The following COL7A1 variants were observed in gnomAD, a reference collection of about 807,000 sequenced individuals.
The protein encoded by COL7A1 is collagen type VII alpha 1 chain.
Under a neutral mutation model 456.2 loss-of-function variants are expected in COL7A1, and 296 were observed. The observed-to-expected ratio is 0.65, with a 90% CI of 0.59 to 0.71. COL7A1 has a LOEUF of 0.71. COL7A1 is among the 30% of genes least tolerant of loss of function. COL7A1 has a pLI of 0.00. For missense variants in COL7A1, 3,441 were observed against 4,017.2 expected (o/e 0.86, Z 3.88); for synonymous variants, 1,464 against 1,525.9 (o/e 0.96, Z 0.95).
rs1219937562 is a variant in COL7A1, at chr3:48,570,845, G to A, written c.7272+16C>T. 1 of 1,600,766 alleles carries A rather than the reference G, an allele frequency of 6.2e-7. No homozygotes were observed. On this transcript the variant is annotated intron_variant, in intron 95 of 118. Coordinates refer to ENST00000681320, the MANE Select transcript of COL7A1 (RefSeq NM_000094.4). The surrounding 1 kb of genome is among the most constrained non-coding windows in gnomAD (Gnocchi z 5.5). Reference sequence around the variant, plus strand: ...TGGATTCACCATGCCCCTACATGCTGTTCCCAGCCCCTCACCCGCTCTCCA... The same window carrying A: ...TGGATTCACCATGCCCCTACATGCTATTCCCAGCCCCTCACCCGCTCTCCA...
Position 48,567,668 on chromosome 3 carries a change from G to A in COL7A1, c.7984-32C>T, listed in dbSNP as rs781598212. The A allele has an allele frequency of 3.5e-5, 57 of 1,612,990 alleles. No homozygotes were observed. The highest frequency in any genetic ancestry group is 4.5e-5 in the East Asian group (2 of 44,828). On this transcript the variant is annotated intron_variant, in intron 108 of 118. Transcript: ENST00000681320. This position sits in a 1 kb window ranked among gnomAD's most constrained non-coding sequence, Gnocchi z 4.3. ...AAAAAAAGACATGAACTTGGCCCCC[G>A]TCCACCCGTGGCCCCCTCATTCTGA...
Position 48,576,263 on chromosome 3 carries a change from G to C in COL7A1, c.5806C>G (p.Pro1936Ala), listed in dbSNP as rs756151866. 8.7e-6 allele frequency: 14 copies of C among 1,613,642 alleles called. No homozygotes were observed. Among genetic ancestry groups the C allele is most frequent in the Admixed American group, 1.7e-5 (1 of 59,998 alleles). ...LPGERGLRGE[P>A]GSVPNVDRLL... ...GCCTGGCTCACCGGCACACTTCCAG[G>C]CTCTCCTCGCAGGCCACGCTCTCCA... is the stretch of plus-strand genomic sequence containing the variant. Residue 1936 changes from proline to alanine, a missense_variant, in exon 71 of 119, where the codon CCT (proline) becomes GCT (alanine). Transcript: ENST00000681320.
Position 48,575,864 on chromosome 3 carries a change from C to T in COL7A1, c.5856+3G>A, listed in dbSNP as rs1386886129. On this transcript the variant is annotated splice_donor_region_variant and intron_variant, in intron 72 of 118. Transcript: ENST00000681320. The surrounding 1 kb of genome is among the most constrained non-coding windows in gnomAD (Gnocchi z 6.3). ...CCCTACCCCCAGCCCCTAAACAACC[C>T]ACCTTGATGCCAGCAGTTTCCAGCA... 1.2e-6 allele frequency: 2 copies of T among 1,614,166 alleles called. No individual in the cohort carries two copies. The highest frequency in any genetic ancestry group is 1.7e-5 in the Admixed American group (1 of 60,034).
At chr3:48,577,795 G>A (rs571809359) in intron 65 of COL7A1, among the ~76,000 whole-genome samples, 1 of 152,318 alleles carries the variant, frequency 6.6e-6, no homozygotes, top group South Asian at 2.1e-4. Context: ...CTGGGCATGT[G>A]TCAGCCCATC....
rs1238279554 is a variant in COL7A1 at position 48,580,989 on chromosome 3, G to C, written c.4936-63C>G. On this transcript the variant is annotated intron_variant, in intron 53 of 118. Coordinates refer to ENST00000681320, the MANE Select transcript of COL7A1 (RefSeq NM_000094.4). This position sits in a 1 kb window ranked among gnomAD's most constrained non-coding sequence, Gnocchi z 4.5. ...TCAGGATCTAACTCACTCAGGGAGA[G>C]GGGACAGAGAAGGGTCTGAGCAGCA... 2.5e-6 allele frequency: 4 copies of C among 1,608,500 alleles called. No individual in the cohort carries two copies. The African/African-American group carries it at 5.3e-5, about 21-fold the overall frequency.
At chr3:48,582,201 G>A (rs1485060247) in intron 47 of COL7A1, 122 bp downstream of exon 47, 43 of 1,558,660 alleles carry the variant, frequency 2.8e-5, no homozygotes, top group South Asian at 2.6e-4. Flanking sequence ...AAGGAGAGCC[G>A]CAGAGCTCCC....
In COL7A1 at chr3:48,592,953, T is replaced by C. The variant is rs2045814445; in HGVS notation, c.683-15A>G. ...CGAGTCATCCGCTGGGAATGCGGGATCAGGGGATCAGGCAGGAGGATTGGG... is the reference window on the plus strand; with the variant it reads ...CGAGTCATCCGCTGGGAATGCGGGACCAGGGGATCAGGCAGGAGGATTGGG... On this transcript the variant is annotated splice_polypyrimidine_tract_variant and intron_variant, in intron 6 of 118. Coordinates refer to ENST00000681320, the MANE Select transcript of COL7A1 (RefSeq NM_000094.4). The surrounding 1 kb of genome is among the most constrained non-coding windows in gnomAD (Gnocchi z 7.6). 6.2e-7 allele frequency: 1 copy of C among 1,613,318 alleles called. No homozygotes were observed. Among genetic ancestry groups the C allele is most frequent in the Non-Finnish European group, 8.5e-7 (1 of 1,179,908 alleles).
In COL7A1 at chr3:48,578,178, C is replaced by G. The variant is rs944905974; in HGVS notation, c.5532+143G>C. The G allele has an allele frequency of 2.4e-5, 21 of 881,994 alleles. No individual in the cohort carries two copies. In the Admixed American group the frequency reaches 5.2e-4, roughly 22 times the overall value. 54.6% of individuals were successfully genotyped at this position (881,994 alleles called of 1,614,324 possible). A position where few individuals can be genotyped will look rare whatever the true frequency, so the allele number is the denominator to read the frequency against. Reference sequence around the variant, plus strand: ...AAACTCCATCTCAAAAAAAAAAAAACTATGTTTCTGGATGCATCTGTATGT... The same window carrying G: ...AAACTCCATCTCAAAAAAAAAAAAAGTATGTTTCTGGATGCATCTGTATGT... On this transcript the variant is annotated intron_variant, in intron 65 of 118. Coordinates refer to ENST00000681320, the MANE Select transcript of COL7A1 (RefSeq NM_000094.4). The surrounding 1 kb of genome is among the most constrained non-coding windows in gnomAD (Gnocchi z 4.7).
chr3:48,564,508 C>T lies in COL7A1; in HGVS notation c.8819-86G>A, dbSNP rs887503446. 1.0e-5 allele frequency: 16 copies of T among 1,529,222 alleles called. No homozygotes were observed. Among genetic ancestry groups the T allele is most frequent in the South Asian group, 6.9e-5 (6 of 87,308 alleles). 94.7% of individuals were successfully genotyped at this position (1,529,222 alleles called of 1,614,324 possible). A position where few individuals can be genotyped will look rare whatever the true frequency, so the allele number is the denominator to read the frequency against. ...CAGAGGCACCGCCAAGGGGAGGGAG[C>T]GGAGGCTACAACAGGAAGTGGGGGC... On this transcript the variant is annotated intron_variant, in intron 118 of 118. Transcript: ENST00000681320. The surrounding 1 kb of genome is among the most constrained non-coding windows in gnomAD (Gnocchi z 6.0).
Position 48,575,284 on chromosome 3 carries a change from T to TGCCCCCCCC in COL7A1, c.6181-43_6181-42insGGGGGGGGC. ...GGGTGAGGGCCAAGCCCATGGGGGGTCCCACCCCTCCCAACCCCTCTTCCC... is the reference window on the plus strand; with the variant it reads ...GGGTGAGGGCCAAGCCCATGGGGGGTGCCCCCCCCCCCACCCCTCCCAACCCCTCTTCCC... On this transcript the variant is annotated intron_variant, in intron 74 of 118. Coordinates refer to ENST00000681320, the MANE Select transcript of COL7A1 (RefSeq NM_000094.4). The surrounding 1 kb of genome is among the most constrained non-coding windows in gnomAD (Gnocchi z 6.3). 6.5e-7 allele frequency: 1 copy of TGCCCCCCCC among 1,533,484 alleles called. No individual in the cohort carries two copies. Among genetic ancestry groups the TGCCCCCCCC allele is most frequent in the Non-Finnish European group, 9.0e-7 (1 of 1,110,832 alleles). The allele number at this position is 1,533,484 out of a possible 1,614,324, so 95.0% of individuals were successfully genotyped here.
At position 48,579,958 on chromosome 3, in the gene COL7A1, G is replaced by A; in HGVS notation, c.5124+73C>T. 6.2e-7 allele frequency: 1 copy of A among 1,608,398 alleles called. No homozygotes were observed. The highest frequency in any genetic ancestry group is 8.5e-7 in the Non-Finnish European group (1 of 1,174,818). On this transcript the variant is annotated intron_variant, in intron 57 of 118. Transcript: ENST00000681320. This position sits in a 1 kb window ranked among gnomAD's most constrained non-coding sequence, Gnocchi z 4.4. ...GGAAGTGGGAGTTAGTGGAAGGAAT[G>A]AGGGGACATGATGTGGAGCCAAAGG...
chr3:48,582,853 C>T (rs533456058), intron 44 of COL7A1, among the ~76,000 whole-genome samples, 160 bp downstream of exon 44: 1 of 152,176 alleles, frequency 6.6e-6, no homozygotes, highest in Admixed American at 6.5e-5. Context: ...GGTTCAAAGC[C>T]AGGTCCCTGG....
chr3:48,579,438 T>G lies in COL7A1; in HGVS notation c.5272-34A>C. The G allele has an allele frequency of 6.2e-7, 1 of 1,613,900 alleles. No individual in the cohort carries two copies. The highest frequency in any genetic ancestry group is 8.5e-7 in the Non-Finnish European group (1 of 1,179,974). ...AACAGGGTCAGATAAGAGGTGAGGG[T>G]AAGATGGGGACTTGGCAGACGGGGC... On this transcript the variant is annotated intron_variant, in intron 60 of 118. Transcript: ENST00000681320. This position sits in a 1 kb window ranked among gnomAD's most constrained non-coding sequence, Gnocchi z 4.4.
In COL7A1 at chr3:48,573,156, C is replaced by G. The variant is rs367618947; in HGVS notation, c.6714+18G>C. ...TGAAAACACGGTGTCCCTACAGGGG[C>G]CACAGGGACTCACTCACCACAAGGC... is the stretch of plus-strand genomic sequence containing the variant. On this transcript the variant is annotated intron_variant, in intron 85 of 118. Transcript: ENST00000681320. This position sits in a 1 kb window ranked among gnomAD's most constrained non-coding sequence, Gnocchi z 5.5. The G allele has an allele frequency of 9.4e-5, 152 of 1,613,906 alleles. 2 individuals are homozygous for G. The highest frequency in any genetic ancestry group is 1.2e-4 in the Non-Finnish European group (141 of 1,179,940).
chr3:48,565,796 G>C lies in COL7A1; in HGVS notation c.8408-128C>G, dbSNP rs2043582410. 6.1e-6 allele frequency: 5 copies of C among 819,674 alleles called. No homozygotes were observed. The highest frequency in any genetic ancestry group is 1.9e-5 in the African/African-American group (1 of 51,298). 50.8% of individuals were successfully genotyped at this position (819,674 alleles called of 1,614,324 possible). A position where few individuals can be genotyped will look rare whatever the true frequency, so the allele number is the denominator to read the frequency against. The stretch of plus-strand genomic sequence containing the variant: ...GAGATAGCAGGAGAGGGTAACAGGA[G>C]AGAGAGGAAGAGAGAGGGTGGGAGG... On this transcript the variant is annotated intron_variant, in intron 114 of 118. Transcript: ENST00000681320. The surrounding 1 kb of genome is among the most constrained non-coding windows in gnomAD (Gnocchi z 4.5).
rs1236494014 is a variant in COL7A1, at chr3:48,573,462, T to C, written c.6618+51A>G. On this transcript the variant is annotated intron_variant, in intron 83 of 118. Transcript: ENST00000681320. The surrounding 1 kb of genome is among the most constrained non-coding windows in gnomAD (Gnocchi z 5.5). Reference sequence around the variant, plus strand: ...AGGTTGGCGCACACTACCCCAGGCATGGACACAGCTTGAAGGAGCCTCCTC... The same window carrying C: ...AGGTTGGCGCACACTACCCCAGGCACGGACACAGCTTGAAGGAGCCTCCTC... 1 of 1,613,850 alleles carries C rather than the reference T, an allele frequency of 6.2e-7. No individual in the cohort carries two copies. The highest frequency in any genetic ancestry group is 8.5e-7 in the Non-Finnish European group (1 of 1,179,848).
In COL7A1 at chr3:48,590,445, C is replaced by T. The variant is rs2045612715; in HGVS notation, c.1906+14G>A. The T allele has an allele frequency of 1.2e-6, 2 of 1,614,166 alleles. No homozygotes were observed. The highest frequency in any genetic ancestry group is 1.7e-6 in the Non-Finnish European group (2 of 1,180,016). On this transcript the variant is annotated intron_variant, in intron 15 of 118. Transcript: ENST00000681320. This position sits in a 1 kb window ranked among gnomAD's most constrained non-coding sequence, Gnocchi z 4.6. The stretch of plus-strand genomic sequence containing the variant: ...TGGTCCCTTTGGCAGTCCCCCCACA[C>T]ACCCCACACTGACCACTGCCTGTGC...
chr3:48,570,849 C>T lies in COL7A1; in HGVS notation c.7272+12G>A. On this transcript the variant is annotated intron_variant, in intron 95 of 118. Coordinates refer to ENST00000681320, the MANE Select transcript of COL7A1 (RefSeq NM_000094.4). The surrounding 1 kb of genome is among the most constrained non-coding windows in gnomAD (Gnocchi z 5.5). The stretch of plus-strand genomic sequence containing the variant: ...TTCACCATGCCCCTACATGCTGTTC[C>T]CAGCCCCTCACCCGCTCTCCACTAG... 6.2e-7 allele frequency: 1 copy of T among 1,603,534 alleles called. No individual in the cohort carries two copies. Among genetic ancestry groups the T allele is most frequent in the Middle Eastern group, 1.8e-4 (1 of 5,650 alleles).
rs1360704374 is a variant in COL7A1 at position 48,579,389 on chromosome 3, G to A, written c.5287C>T (p.Arg1763Ter). ...CTCACCTTTTCTCCTGCTGGGCCTC[G>A]GACACCTGGGTCCCCCTGGAGGGAA... ...PPGPQGDPGV[R>*]GPAGEKGDRG... Residue 1763 changes from arginine to a stop codon, truncating the protein, a stop_gained, in exon 61 of 119, where the codon CGA (arginine) becomes TGA (stop). Coordinates refer to ENST00000681320, the MANE Select transcript of COL7A1 (RefSeq NM_000094.4). LOFTEE classifies it high-confidence loss of function. This position sits in a 1 kb window ranked among gnomAD's most constrained non-coding sequence, Gnocchi z 4.4. The A allele has an allele frequency of 5.6e-6, 9 of 1,614,124 alleles. No individual in the cohort carries two copies. The highest frequency in any genetic ancestry group is 3.3e-5 in the South Asian group (3 of 91,086).
Sources: allele counts gnomAD v4.1 joint callset (sites outside exome capture counted in the v4.1 genomes callset), GRCh38; gene constraint gnomAD v4.1.1; non-coding constraint Gnocchi (gnomAD v3.1); transcripts MANE v1.5; gene names NCBI Gene and HGNC (gene_info 2026-07-23, HGNC 2026-07-21).